DIP2C: variants seen among roughly 807,000 people sequenced by gnomAD.
DIP2C encodes the protein DIP2 acetate--CoA ligase C (putative).
In DIP2C, 33 loss-of-function variants were observed where a neutral mutation model predicts 192.4. The ratio of observed to expected loss-of-function variants is 0.17; its 90% CI spans 0.13 to 0.23. The LOEUF (loss-of-function observed/expected upper bound fraction) is 0.23, where lower values mean the gene tolerates loss of function less well. DIP2C is among the 10% of genes least tolerant of loss of function. The pLI is 1.00. For missense variants in DIP2C, 1,537 were observed against 2,110.1 expected (o/e 0.73, Z 5.32); for synonymous variants, 979 against 864.1 (o/e 1.13, Z -2.33).
chr10:377,167 A>G (rs1458049667), intron 17 of DIP2C, among the ~76,000 whole-genome samples: 3 of 144,736 alleles, frequency 2.1e-5, no homozygotes, highest in Non-Finnish European at 4.5e-5. Context: ...TGCACTGAAT[A>G]TACTATTTAC....
intron 3 of DIP2C, among the ~76,000 whole-genome samples, chr10:469,393 G>A (rs908161907): frequency 9.3e-5 from 14 of 149,762 alleles, no homozygotes; most frequent in East Asian, 2.0e-4. Context: ...CTCAGGTCAC[G>A]GCAACCTCCA....
rs746668922 is a variant in DIP2C, at chr10:636,429, G to A, written c.85+53065C>T. 3.3e-5 allele frequency among the ~76,000 whole-genome samples: 5 copies of A among 152,098 alleles called. No individual in the cohort carries two copies. The highest frequency in any genetic ancestry group is 7.4e-5 in the Non-Finnish European group (5 of 68,020). ...TGCTTTCTCACTCTCTCTCTCTGTA[G>A]ATTATACAGAGAGACAGATTCGTTT... On this transcript the variant is annotated intron_variant, in intron 1 of 36. Transcript: ENST00000280886. This position sits in a 1 kb window ranked among gnomAD's most constrained non-coding sequence, Gnocchi z 4.6.
intron 1 of DIP2C, among the ~76,000 whole-genome samples, chr10:538,580 T>C (rs816641): frequency 3.9e-5 from 6 of 152,190 alleles, no homozygotes; most frequent in African/African-American, 1.4e-4. Flanking sequence ...TGATGGGGCC[T>C]GCCTGTGCTC....
intron 1 of DIP2C, among the ~76,000 whole-genome samples, chr10:562,725 C>T (rs950394649): frequency 4.6e-5 from 7 of 152,192 alleles, no homozygotes; most frequent in Non-Finnish European, 8.8e-5. Flanking sequence ...GTTCTGTTCC[C>T]TCAGAGAGCT....
intron 29 of DIP2C, among the ~76,000 whole-genome samples, chr10:333,881 A>T (rs187075307): frequency 2.5e-3 from 384 of 152,144 alleles, no homozygotes; most frequent in Middle Eastern, 0.024. Context: ...TGTGGTTTTA[A>T]TTTGCATTTC....
chr10:477,113 C>A (rs1257000812), intron 2 of DIP2C, among the ~76,000 whole-genome samples: 5 of 146,530 alleles, frequency 3.4e-5, no homozygotes, highest in Non-Finnish European at 7.5e-5. Flanking sequence ...ACAAGGTACA[C>A]AGAAGGAAAA....
rs1420825928 is a variant in DIP2C at position 472,561 on chromosome 10, TA to T, written c.158-13del. The T allele has an allele frequency of 6.2e-7, 1 of 1,609,764 alleles. No individual in the cohort carries two copies. Among genetic ancestry groups the T allele is most frequent in the Non-Finnish European group, 8.5e-7 (1 of 1,176,750 alleles). ...AGCTTGGTCCACCCCTGGATTTCAATAAAAACAGCAGAGTGAGGTGTGACTG... is the reference window on the plus strand; with the variant it reads ...AGCTTGGTCCACCCCTGGATTTCAATAAAACAGCAGAGTGAGGTGTGACTG... On this transcript the variant is annotated splice_polypyrimidine_tract_variant and intron_variant, in intron 2 of 36. Transcript: ENST00000280886.
chr10:405,724 A>C (rs1964754879), intron 9 of DIP2C, among the ~76,000 whole-genome samples: 1 of 152,134 alleles, frequency 6.6e-6, no homozygotes, highest in Non-Finnish European at 1.5e-5. Context: ...ACTGTACCTA[A>C]TTATTCACAC....
At chr10:578,997 A>C (rs944006899) in intron 1 of DIP2C, among the ~76,000 whole-genome samples, 1 of 152,174 alleles carries the variant, frequency 6.6e-6, no homozygotes, top group Non-Finnish European at 1.5e-5. Context: ...ATGTAGGTAC[A>C]CTATAACGTG....
At chr10:414,611 G>C (rs1048810933) in intron 7 of DIP2C, among the ~76,000 whole-genome samples, 7 of 151,274 alleles carry the variant, frequency 4.6e-5, no homozygotes, top group African/African-American at 1.7e-4. Context: ...CCAGGCTCAG[G>C]TTATCCTCCC....
intron 2 of DIP2C, among the ~76,000 whole-genome samples, chr10:483,727 C>T (rs1315502144): frequency 6.6e-6 from 1 of 152,204 alleles, no homozygotes; most frequent in Non-Finnish European, 1.5e-5. Flanking sequence ...AGGAGGAACG[C>T]AGTGGAGGCC....
chr10:275,469 ACTTTTT>A lies in DIP2C; in HGVS notation c.*1850_*1855del, dbSNP rs1954466945. The A allele has an allele frequency of 9.2e-6, 1 of 108,692 alleles. No individual in the cohort carries two copies. The highest frequency in any genetic ancestry group is 3.8e-5 in the African/African-American group (1 of 26,656). The allele number at this position is 108,692 out of a possible 1,614,324, so 6.7% of individuals were successfully genotyped here. ...GCAGACACATTTTTTTAAATGTGCC[ACTTTTT>A]TTTTTTTTTTTTTTTTAACAACAAT... On this transcript the variant is annotated 3_prime_UTR_variant, in exon 37 of 37. Coordinates refer to ENST00000280886, the MANE Select transcript of DIP2C (RefSeq NM_014974.3).
chr10:390,946 C>A (rs1963411020), intron 10 of DIP2C, 83 bp from the exon 11 acceptor site: 2 of 1,560,734 alleles, frequency 1.3e-6, no homozygotes, highest in Non-Finnish European at 8.7e-7. Context: ...AGCGTTCACA[C>A]AGACCCTCGA....
chr10:547,313 C>G (rs1395185401), intron 1 of DIP2C, among the ~76,000 whole-genome samples: 1 of 152,214 alleles, frequency 6.6e-6, no homozygotes, highest in Non-Finnish European at 1.5e-5. Context: ...ACCCACACAT[C>G]AGAAAGCCCT....
At chr10:616,415 TA>T (rs1853475250) in intron 1 of DIP2C, among the ~76,000 whole-genome samples, 1 of 152,250 alleles carries the variant, frequency 6.6e-6, no homozygotes, top group Non-Finnish European at 1.5e-5. Context: ...GCTTTGTTCA[TA>T]AAAGATTTTC....
chr10:620,169 T>C (rs1299566726), intron 1 of DIP2C, among the ~76,000 whole-genome samples: 1 of 152,192 alleles, frequency 6.6e-6, no homozygotes, highest in East Asian at 1.9e-4. Flanking sequence ...CCTTGTATAG[T>C]CTTACAAGGC....
intron 22 of DIP2C, 106 bp downstream of exon 22, chr10:362,384 C>A: frequency 7.6e-7 from 1 of 1,315,334 alleles, no homozygotes; most frequent in Non-Finnish European, 1.0e-6. Context: ...TTCCCGCAAG[C>A]ATCAGCTTCC....
intron 4 of DIP2C, among the ~76,000 whole-genome samples, chr10:436,116 C>G (rs767850563): frequency 1.3e-5 from 2 of 152,104 alleles, no homozygotes; most frequent in Non-Finnish European, 2.9e-5. Flanking sequence ...CAGTTCAGAC[C>G]GGGCGCACTT....
intron 1 of DIP2C, among the ~76,000 whole-genome samples, chr10:599,204 C>CA (rs2131685306): frequency 6.6e-6 from 1 of 152,272 alleles, no homozygotes; most frequent in Non-Finnish European, 1.5e-5. Flanking sequence ...GACAGCACCC[C>CA]ACATCCTCTG....
Sources: gnomAD v4.1 joint callset for allele counts (sites outside exome capture counted in the v4.1 genomes callset) on GRCh38, gnomAD v4.1.1 for gene constraint, Gnocchi (gnomAD v3.1) non-coding constraint, MANE v1.5 for transcripts, NCBI Gene and HGNC (gene_info 2026-07-23, HGNC 2026-07-21) for gene names.